Variants in FGD6 observed in about 807,000 individuals in gnomAD.
FGD6 encodes the protein FYVE, RhoGEF and PH domain-containing protein 6.
In FGD6, 90 loss-of-function variants were observed where a neutral mutation model predicts 149.4. That is an observed-to-expected ratio of 0.60 (90% CI 0.51 to 0.72). The LOEUF is 0.72. Among genes scored for constraint, FGD6 ranks in the 30% least tolerant of loss-of-function variants. FGD6 has a pLI of 0.00. For synonymous variants in FGD6, 527 were observed against 584.0 expected, an observed-to-expected ratio of 0.90 and a Z score of 1.41; for missense variants, 1,437 against 1,684.8, an observed-to-expected ratio of 0.85 and a Z score of 2.57.
In FGD6 at chr12:95,209,196, A is replaced by G. The variant is rs781377532; in HGVS notation, c.2088T>C (p.Tyr696=). The change falls in exon 2 of 21, where the codon TAT becomes TAC. Residue 696 remains tyrosine, a synonymous_variant. Transcript: ENST00000343958. ...KPIKAYSTEN[Y]SLESQKKRKK... ...TCCTCTTCTTTTGAGATTCCAGGCTATAGTTTTCTGTGGAATATGCCTTGA... is the reference window on the plus strand; with the variant it reads ...TCCTCTTCTTTTGAGATTCCAGGCTGTAGTTTTCTGTGGAATATGCCTTGA... The G allele has an allele frequency of 6.2e-7, 1 of 1,613,972 alleles. No individual in the cohort carries two copies. Among genetic ancestry groups the G allele is most frequent in the Non-Finnish European group, 8.5e-7 (1 of 1,179,990 alleles).
intron 5 of FGD6, among the ~76,000 whole-genome samples, chr12:95,150,359 G>A (rs1246339964): frequency 3.3e-5 from 5 of 151,718 alleles, no homozygotes; most frequent in Non-Finnish European, 7.4e-5. Flanking sequence ...CTATTTGTAC[G>A]TTTACATAAT....
chr12:95,103,586 G>A (rs556903309), intron 14 of FGD6, among the ~76,000 whole-genome samples: 1 of 152,312 alleles, frequency 6.6e-6, no homozygotes, highest in Admixed American at 6.5e-5. Flanking sequence ...CCAGGCTGGA[G>A]TGCAGTGGAG....
intron 2 of FGD6, among the ~76,000 whole-genome samples, chr12:95,180,952 C>T (rs67905848): frequency 0.091 from 13,768 of 151,674 alleles, 823 homozygotes; most frequent in African/African-American, 0.16. Flanking sequence ...CCCCAACCCC[C>T]AGACTTGGAG....
Position 95,209,023 on chromosome 12 carries a change from T to A in FGD6, c.2261A>T (p.Tyr754Phe), listed in dbSNP as rs1231459663. ...GTTCTCGTACTCTGGTATTTCCTCA[T>A]AATGGCGTATATTTTCATACTCCGG... ...CAPEYENIRHYEEIPEYENLP... is the reference protein window; with the variant it reads ...CAPEYENIRHFEEIPEYENLP... The change falls in exon 2 of 21, where the codon TAT (tyrosine) becomes TTT (phenylalanine). Residue 754 changes from tyrosine to phenylalanine, a missense_variant. Tyr to Phe is a conservative substitution (Grantham distance 22). This residue lies in a region of FGD6 where 1,055 missense variants were observed against 1,146.0 expected (regional missense o/e 0.92). Transcript: ENST00000343958. The A allele has an allele frequency of 1.9e-6, 3 of 1,614,144 alleles. No homozygotes were observed. Among genetic ancestry groups the A allele is most frequent in the Non-Finnish European group, 2.5e-6 (3 of 1,180,028 alleles).
intron 14 of FGD6, among the ~76,000 whole-genome samples, chr12:95,102,375 C>CG (rs1878468677): frequency 7.5e-6 from 1 of 132,768 alleles, no homozygotes; most frequent in South Asian, 2.7e-4. Context: ...AGCCGGGAGG[C>CG]GGGGGCTGCA....
chr12:95,110,450 G>C (rs1032931698), intron 9 of FGD6, among the ~76,000 whole-genome samples: 31 of 151,460 alleles, frequency 2.0e-4, no homozygotes, highest in African/African-American at 7.5e-4. Flanking sequence ...CCGCCTCCCA[G>C]ATTCAAGCAA....
intron 3 of FGD6, among the ~76,000 whole-genome samples, chr12:95,171,676 C>T (rs944375476): frequency 2.6e-5 from 4 of 152,056 alleles, no homozygotes; most frequent in Non-Finnish European, 4.4e-5. Flanking sequence ...CCACCATGGT[C>T]GGCTAATTTT....
intron 2 of FGD6, among the ~76,000 whole-genome samples, chr12:95,180,053 G>C (rs1378008870): frequency 6.7e-6 from 1 of 148,764 alleles, no homozygotes; most frequent in Non-Finnish European, 1.5e-5. Context: ...ACTCCAGCCT[G>C]GGCAATAAGA....
chr12:95,113,676 A>G lies in FGD6; in HGVS notation c.3108T>C (p.Asp1036=). 1.3e-6 allele frequency: 2 copies of G among 1,595,102 alleles called. No individual in the cohort carries two copies. The highest frequency in any genetic ancestry group is 1.1e-5 in the South Asian group (1 of 88,032). The change falls in exon 9 of 21, where the codon GAT becomes GAC. Residue 1036 remains aspartate, a synonymous_variant. Transcript: ENST00000343958. Reference sequence around the variant, plus strand: ...CTTGAGTGTCTCTGTAATCTCCAGCATCTTCTATGAGATTCTTCAAATAAT... The same window carrying G: ...CTTGAGTGTCTCTGTAATCTCCAGCGTCTTCTATGAGATTCTTCAAATAAT... The part of the protein sequence containing the change: ...LTDYLKNLIE[D]AGDYRDTQDA...
intron 20 of FGD6, 56 bp from the exon 21 acceptor site, chr12:95,081,612 C>T: frequency 7.7e-7 from 1 of 1,299,012 alleles, no homozygotes; most frequent in Non-Finnish European, 1.1e-6. Flanking sequence ...GACGTGTGAA[C>T]ACCATATAGA....
rs1268959804 is a variant in FGD6 at position 95,076,910 on chromosome 12, A to G, written c.*4610T>C. The G allele has an allele frequency of 1.3e-5, 2 of 151,930 alleles. No homozygotes were observed. The highest frequency in any genetic ancestry group is 2.9e-5 in the Non-Finnish European group (2 of 67,966). 9.4% of individuals were successfully genotyped at this position (151,930 alleles called of 1,614,324 possible). On this transcript the variant is annotated 3_prime_UTR_variant, in exon 21 of 21. Coordinates refer to ENST00000343958, the MANE Select transcript of FGD6 (RefSeq NM_018351.4). ...ATTATAAGCCATTAAAAAAAAAACG[A>G]TATTTCAAGATTGGTTCTTACATGC... is the stretch of plus-strand genomic sequence containing the variant.
chr12:95,163,383 C>A (rs535047331), intron 3 of FGD6, among the ~76,000 whole-genome samples: 6 of 152,230 alleles, frequency 3.9e-5, no homozygotes, highest in African/African-American at 1.2e-4. Context: ...CCTTGACATT[C>A]TTTCCCTCCT....
At chr12:95,176,968 T>C (rs1234250203) in intron 2 of FGD6, among the ~76,000 whole-genome samples, 1 of 152,050 alleles carries the variant, frequency 6.6e-6, no homozygotes. Flanking sequence ...GCTGAGACTA[T>C]AGGTGTACGC....
intron 2 of FGD6, among the ~76,000 whole-genome samples, chr12:95,175,101 C>A (rs1278844187): frequency 6.6e-5 from 10 of 151,930 alleles, no homozygotes; most frequent in African/African-American, 2.4e-4. Flanking sequence ...CATCTGAAAA[C>A]AAGAAAAAAG....
At chr12:95,198,064 C>G (rs945005463) in intron 2 of FGD6, among the ~76,000 whole-genome samples, 6 of 152,106 alleles carry the variant, frequency 3.9e-5, no homozygotes, top group Non-Finnish European at 8.8e-5. Context: ...AAATAGTGAA[C>G]AAATTAAAGA....
rs1170439975 is a variant in FGD6 at position 95,077,900 on chromosome 12, T to C, written c.*3620A>G. On this transcript the variant is annotated 3_prime_UTR_variant, in exon 21 of 21. Coordinates refer to ENST00000343958, the MANE Select transcript of FGD6 (RefSeq NM_018351.4). ...CTTGAGGACTCATATAGATAGCCAA[T>C]AGGTAGTTACAGATGTAGCTTTGCA... 2 of 152,182 alleles carry C rather than the reference T, an allele frequency of 1.3e-5. No individual in the cohort carries two copies. The highest frequency in any genetic ancestry group is 1.5e-5 in the Non-Finnish European group (1 of 68,034). 9.4% of individuals were successfully genotyped at this position (152,182 alleles called of 1,614,324 possible).
At chr12:95,204,723 CACAT>C (rs1244284564) in intron 2 of FGD6, among the ~76,000 whole-genome samples, 1 of 151,936 alleles carries the variant, frequency 6.6e-6, no homozygotes, top group East Asian at 1.9e-4. Context: ...CACACACACA[CACAT>C]ACACAGTCAG....
At chr12:95,195,049 T>C (rs532526140) in intron 2 of FGD6, among the ~76,000 whole-genome samples, 1 of 152,238 alleles carries the variant, frequency 6.6e-6, no homozygotes, top group Non-Finnish European at 1.5e-5. Flanking sequence ...GGAGGTAATT[T>C]ATTTGTTTCC....
intron 9 of FGD6, among the ~76,000 whole-genome samples, chr12:95,111,606 A>C (rs1301878496): frequency 6.6e-6 from 1 of 152,096 alleles, no homozygotes; most frequent in Non-Finnish European, 1.5e-5. Context: ...TTTTTCCTGC[A>C]AAGCTTCCCT....
Sources: allele counts gnomAD v4.1 joint callset (sites outside exome capture counted in the v4.1 genomes callset), GRCh38; gene constraint gnomAD v4.1.1; regional missense constraint gnomAD v4.1.1; transcripts MANE v1.5; gene names NCBI Gene and HGNC (gene_info 2026-07-23, HGNC 2026-07-21).